Variants in ARHGEF4 observed in about 807,000 individuals in gnomAD.
ARHGEF4 encodes Rho guanine nucleotide exchange factor 4.
A neutral mutation model predicts 162.0 loss-of-function variants in ARHGEF4; 119 were observed. That is an observed-to-expected ratio of 0.73 (90% CI 0.63 to 0.86). ARHGEF4 has a LOEUF of 0.86. Among genes scored for constraint, ARHGEF4 ranks in the 40% least tolerant of loss-of-function variants. The probability of loss-of-function intolerance (pLI) is 0.00; values close to 1 mark genes in which losing one functional copy is unlikely to be tolerated. For missense variants in ARHGEF4, 2,488 were observed against 2,456.0 expected (o/e 1.01, Z -0.28); for synonymous variants, 1,014 against 979.9 (o/e 1.03, Z -0.65).
chr2:131,040,220 G>T, intron 7 of ARHGEF4, 28 bp downstream of exon 7: 1 of 1,609,120 alleles, frequency 6.2e-7, no homozygotes, highest in Non-Finnish European at 8.5e-7. Flanking sequence ...GGCGGTGACT[G>T]GGGACCCGGT....
At chr2:130,940,831 CAAAA>C (rs1196586339) in intron 3 of ARHGEF4, among the ~76,000 whole-genome samples, 2 of 43,400 alleles carry the variant, frequency 4.6e-5, no homozygotes, top group Non-Finnish European at 4.7e-5. Context: ...GACTCCGTCT[CAAAA>C]AAAAAAAAAA....
intron 4 of ARHGEF4, among the ~76,000 whole-genome samples, chr2:130,976,244 A>G (rs142593207): frequency 9.2e-5 from 14 of 152,172 alleles, no homozygotes; most frequent in Admixed American, 4.6e-4. Flanking sequence ...CATGAGTCAG[A>G]TATGTTGGAG....
At chr2:130,979,101 T>C (rs1685943166) in intron 4 of ARHGEF4, among the ~76,000 whole-genome samples, 1 of 152,208 alleles carries the variant, frequency 6.6e-6, no homozygotes, top group East Asian at 1.9e-4. Context: ...CAATTGTGGA[T>C]GACAAAAGTC....
At chr2:130,839,482 C>T (rs1378263791) in intron 1 of ARHGEF4, among the ~76,000 whole-genome samples, 1 of 152,174 alleles carries the variant, frequency 6.6e-6, no homozygotes, top group African/African-American at 2.4e-5. Context: ...CTTCTGGTGG[C>T]ACTTGGTACA....
At position 130,916,905 on chromosome 2, in the gene ARHGEF4, C is replaced by T; in HGVS notation, c.2959C>T (p.His987Tyr). Residue 987 changes from histidine (H) to tyrosine (Y), a missense_variant, in exon 2 of 14, where the codon CAC (histidine) becomes TAC (tyrosine). His to Tyr is a moderately conservative substitution (Grantham distance 83). Coordinates refer to ENST00000409359, the MANE Select transcript of ARHGEF4 (RefSeq NM_001367493.1). ...TCTCTCCCCAGCAGAGACCGACAGCCACTGTGAGGAACGGGCGGAGGACAA... is the reference window on the plus strand; with the variant it reads ...TCTCTCCCCAGCAGAGACCGACAGCTACTGTGAGGAACGGGCGGAGGACAA... ...EVLSPAETDS[H>Y]CEERAEDKEG... The T allele has an allele frequency of 6.4e-7, 1 of 1,550,588 alleles. No homozygotes were observed. The highest frequency in any genetic ancestry group is 1.7e-4 in the Middle Eastern group (1 of 5,992).
At chr2:130,903,293 G>A (rs1233535829) in intron 1 of ARHGEF4, among the ~76,000 whole-genome samples, 2 of 145,264 alleles carry the variant, frequency 1.4e-5, no homozygotes, top group Non-Finnish European at 3.0e-5. Flanking sequence ...ACAGAGTCTC[G>A]CTGTCACCAG....
At chr2:130,893,349 T>A (rs934869242) in intron 1 of ARHGEF4, among the ~76,000 whole-genome samples, 2 of 152,160 alleles carry the variant, frequency 1.3e-5, no homozygotes, top group East Asian at 3.9e-4. Context: ...CTGCTGTCTC[T>A]GGGGCCTTTT....
intron 4 of ARHGEF4, among the ~76,000 whole-genome samples, chr2:130,991,613 G>A (rs1162346219): frequency 6.6e-6 from 1 of 152,230 alleles, no homozygotes; most frequent in East Asian, 1.9e-4. Context: ...AGGGTGTACT[G>A]GGTTCCCCAG....
intron 1 of ARHGEF4, among the ~76,000 whole-genome samples, chr2:130,902,225 ACCCT>A (rs971087864): frequency 3.3e-5 from 5 of 151,294 alleles, no homozygotes; most frequent in South Asian, 2.1e-4. Context: ...CAAGCTTTTA[ACCCT>A]CCCTCCCTCC....
chr2:131,045,953 G>T, intron 13 of ARHGEF4, 85 bp from the exon 14 acceptor site: 1 of 1,532,182 alleles, frequency 6.5e-7, no homozygotes. Flanking sequence ...GCAGAGCCCT[G>T]GGACGGACCC....
At chr2:130,938,100 C>A (rs548589830) in intron 3 of ARHGEF4, among the ~76,000 whole-genome samples, 1 of 152,120 alleles carries the variant, frequency 6.6e-6, no homozygotes, top group African/African-American at 2.4e-5. Flanking sequence ...TTCACCTATT[C>A]GAAGACATCT....
intron 10 of ARHGEF4, 31 bp downstream of exon 10, chr2:131,041,975 G>A (rs780321259): frequency 8.1e-6 from 13 of 1,606,376 alleles, no homozygotes; most frequent in Non-Finnish European, 1.1e-5. Flanking sequence ...AAAATTCCAG[G>A]AGGTCTTGGC....
chr2:130,930,861 C>A, intron 2 of ARHGEF4, 91 bp from the exon 3 acceptor site: 2 of 1,294,086 alleles, frequency 1.5e-6, no homozygotes, highest in Non-Finnish European at 2.1e-6. Context: ...AGTGTTATAC[C>A]CAAAAGGAAC....
chr2:130,921,601 C>T (rs1414117533), intron 2 of ARHGEF4, among the ~76,000 whole-genome samples: 2 of 152,140 alleles, frequency 1.3e-5, no homozygotes, highest in African/African-American at 4.8e-5. Context: ...TACTGTCAGC[C>T]TTTTTAATTT....
At chr2:130,983,633 TTTTTA>T (rs1015856803) in intron 4 of ARHGEF4, among the ~76,000 whole-genome samples, 18 of 152,104 alleles carry the variant, frequency 1.2e-4, no homozygotes, top group African/African-American at 3.4e-4. Flanking sequence ...CTTTTATTTA[TTTTTA>T]TTTTATTTTA....
chr2:131,020,310 G>A lies in ARHGEF4; in HGVS notation c.3986-7635G>A, dbSNP rs1689030642. 3.3e-5 allele frequency among the ~76,000 whole-genome samples: 5 copies of A among 150,582 alleles called. No individual in the cohort carries two copies. In the South Asian group the frequency reaches 8.7e-4, roughly 26 times the overall value. On this transcript the variant is annotated intron_variant, in intron 4 of 13. Coordinates refer to ENST00000409359, the MANE Select transcript of ARHGEF4 (RefSeq NM_001367493.1). The stretch of plus-strand genomic sequence containing the variant: ...CCCATTAACTCTTCATTTAACATTA[G>A]GTATATCTCCTAATGCTATCCCTCC...
At chr2:130,863,995 A>C (rs1432326621) in intron 1 of ARHGEF4, among the ~76,000 whole-genome samples, 1 of 134,908 alleles carries the variant, frequency 7.4e-6, no homozygotes. Context: ...CCATCCTGGC[A>C]AACACGGTGA....
intron 4 of ARHGEF4, among the ~76,000 whole-genome samples, chr2:131,025,979 C>T (rs775135326): frequency 7.2e-5 from 11 of 152,212 alleles, no homozygotes; most frequent in South Asian, 2.1e-4. Flanking sequence ...TAATTCCTCA[C>T]GTAACATAAC....
chr2:130,903,979 T>C (rs1257614697), intron 1 of ARHGEF4, among the ~76,000 whole-genome samples: 1 of 152,218 alleles, frequency 6.6e-6, no homozygotes, highest in Non-Finnish European at 1.5e-5. Context: ...TAGCACTACA[T>C]AGAAGTGCAG....
Sources: gnomAD v4.1 joint callset for allele counts (sites outside exome capture counted in the v4.1 genomes callset) on GRCh38, gnomAD v4.1.1 for gene constraint, MANE v1.5 for transcripts, NCBI Gene and HGNC (gene_info 2026-07-23, HGNC 2026-07-21) for gene names.